Variants in STIMATE observed in about 807,000 individuals in gnomAD.
The protein encoded by STIMATE is STIM activating enhancer.
In STIMATE, 15 loss-of-function variants were observed where a neutral mutation model predicts 36.7. That is an observed-to-expected ratio of 0.41 (90% CI 0.27 to 0.63). STIMATE has a LOEUF of 0.63. Among genes scored for constraint, STIMATE ranks in the 20% least tolerant of loss-of-function variants. The probability of loss-of-function intolerance (pLI) is 0.32; values close to 1 mark genes in which losing one functional copy is unlikely to be tolerated. For synonymous variants in STIMATE, 163 were observed against 162.3 expected (o/e 1.00, Z -0.03); for missense variants, 305 against 397.3 (o/e 0.77, Z 1.98).
intron 3 of STIMATE, among the ~76,000 whole-genome samples, chr3:52,850,182 C>T (rs1227939173): frequency 6.6e-6 from 1 of 152,172 alleles, no homozygotes; most frequent in Admixed American, 6.5e-5. Context: ...CCTCTAATCC[C>T]AGCACTTTGG....
At chr3:52,884,238 C>A (rs1559498767) in intron 1 of STIMATE, among the ~76,000 whole-genome samples, 1 of 141,630 alleles carries the variant, frequency 7.1e-6, no homozygotes, top group Non-Finnish European at 1.5e-5. Context: ...ATTTCCATCA[C>A]CCAAAAAGTT....
chr3:52,867,227 T>C (rs1005410585), intron 1 of STIMATE, among the ~76,000 whole-genome samples: 2 of 152,234 alleles, frequency 1.3e-5, no homozygotes, highest in African/African-American at 4.8e-5. Flanking sequence ...AATATTTGTA[T>C]TGTTACATCT....
intron 2 of STIMATE, among the ~76,000 whole-genome samples, chr3:52,853,141 T>A (rs1436190933): frequency 6.6e-6 from 1 of 152,092 alleles, no homozygotes; most frequent in Non-Finnish European, 1.5e-5. Context: ...ATGGGCTAGA[T>A]CAGGGTAGGC....
At chr3:52,889,020 C>T (rs1234885782) in intron 1 of STIMATE, among the ~76,000 whole-genome samples, 1 of 152,170 alleles carries the variant, frequency 6.6e-6, no homozygotes, top group African/African-American at 2.4e-5. Context: ...CTGCCTCCTC[C>T]TCCCCAAAAT....
chr3:52,864,039 A>G (rs529023599), intron 1 of STIMATE, among the ~76,000 whole-genome samples: 1 of 152,284 alleles, frequency 6.6e-6, no homozygotes, highest in East Asian at 1.9e-4. Flanking sequence ...CTGTTGGTGG[A>G]TCTACCATTC....
At chr3:52,871,700 G>T (rs936777471) in intron 1 of STIMATE, among the ~76,000 whole-genome samples, 1 of 152,102 alleles carries the variant, frequency 6.6e-6, no homozygotes, top group Non-Finnish European at 1.5e-5. Context: ...TGGGGTCTTT[G>T]TAAAGTATAA....
At chr3:52,849,482 C>CG (rs1424258561) in intron 4 of STIMATE, among the ~76,000 whole-genome samples, 2 of 152,190 alleles carry the variant, frequency 1.3e-5, no homozygotes, top group Non-Finnish European at 2.9e-5. Flanking sequence ...AGAGTCCCTG[C>CG]GGGCCTGTGT....
At chr3:52,864,329 C>A (rs1005675148) in intron 1 of STIMATE, among the ~76,000 whole-genome samples, 1 of 152,208 alleles carries the variant, frequency 6.6e-6, no homozygotes, top group Admixed American at 6.5e-5. Context: ...GGAGCCTGCA[C>A]CCTCTGAAGC....
At chr3:52,884,251 T>G (rs13089969) in intron 1 of STIMATE, among the ~76,000 whole-genome samples, 10,395 of 151,246 alleles carry the variant, frequency 0.069, 429 homozygotes, top group Non-Finnish European at 0.095. Flanking sequence ...AAAAAGTTTT[T>G]TTTTTTTTTT....
intron 4 of STIMATE, chr3:52,846,496 G>A (rs567508773): frequency 6.6e-6 from 1 of 152,302 alleles, no homozygotes; most frequent in East Asian, 1.9e-4. Context: ...CGGAGCGCGC[G>A]GCACCGCTTA....
chr3:52,875,501 G>C (rs1404217169), intron 1 of STIMATE, among the ~76,000 whole-genome samples: 1 of 152,178 alleles, frequency 6.6e-6, no homozygotes, highest in East Asian at 1.9e-4. Context: ...TCGCAGGTTA[G>C]ATTTCTGTCC....
chr3:52,889,724 T>C (rs1484794717), intron 1 of STIMATE, among the ~76,000 whole-genome samples: 1 of 152,182 alleles, frequency 6.6e-6, no homozygotes, highest in African/African-American at 2.4e-5. Flanking sequence ...GGTCCCTGTT[T>C]CTTCTTCTGT....
chr3:52,859,205 A>AAAAG (rs1701163025), intron 1 of STIMATE, among the ~76,000 whole-genome samples: 1 of 141,366 alleles, frequency 7.1e-6, no homozygotes, highest in Non-Finnish European at 1.6e-5. Context: ...TAAAATAAAA[A>AAAAG]ACAATGAGGT....
chr3:52,865,243 C>G (rs1169289173), intron 1 of STIMATE, among the ~76,000 whole-genome samples: 1 of 152,240 alleles, frequency 6.6e-6, no homozygotes, highest in Non-Finnish European at 1.5e-5. Context: ...CGGTGCCCGA[C>G]TGCCATTCAA....
intron 1 of STIMATE, among the ~76,000 whole-genome samples, chr3:52,880,626 G>T (rs1275064458): frequency 6.6e-6 from 1 of 152,028 alleles, no homozygotes; most frequent in Non-Finnish European, 1.5e-5. Flanking sequence ...TGGGGCTGCT[G>T]GTACCTTTGA....
intron 1 of STIMATE, among the ~76,000 whole-genome samples, chr3:52,866,842 G>C (rs1701321985): frequency 6.6e-6 from 1 of 152,236 alleles, no homozygotes; most frequent in Non-Finnish European, 1.5e-5. Flanking sequence ...ATAATTTCCA[G>C]GTAGCAGCTG....
chr3:52,849,955 G>A (rs752664053), intron 3 of STIMATE, 42 bp from the exon 4 acceptor site: 16 of 1,593,142 alleles, frequency 1.0e-5, no homozygotes, highest in Non-Finnish European at 1.2e-5. Context: ...CAGAAGCCAC[G>A]GGGCCAGAGG....
In STIMATE at chr3:52,878,664, T is replaced by C. The variant is rs571759178; in HGVS notation, c.160+18627A>G. 1.8e-4 allele frequency among the ~76,000 whole-genome samples: 27 copies of C among 152,370 alleles called. No individual in the cohort carries two copies. The South Asian group carries it at 5.2e-3, about 29-fold the overall frequency. On this transcript the variant is annotated intron_variant, in intron 1 of 7. Transcript: ENST00000355083. ...TCGTGAGCCTACCTAAATGCATTTT[T>C]ATTCTGATAGCATCGAACAGAAACA...
At chr3:52,843,844 A>C in intron 5 of STIMATE, 46 bp from the exon 6 acceptor site, 1 of 926,626 alleles carries the variant, frequency 1.1e-6, no homozygotes, top group Non-Finnish European at 1.6e-6. Context: ...GGCCACCGAG[A>C]GTGTGCCTGG....
Sources: allele counts gnomAD v4.1 joint callset (sites outside exome capture counted in the v4.1 genomes callset), GRCh38; gene constraint gnomAD v4.1.1; transcripts MANE v1.5; gene names NCBI Gene and HGNC (gene_info 2026-07-23, HGNC 2026-07-21).